The following GPR39 variants were observed in gnomAD, a reference collection of about 807,000 sequenced individuals.
GPR39 encodes the protein zinc sensing receptor.
In GPR39, 23 loss-of-function variants were observed where a neutral mutation model predicts 18.4. The ratio of observed to expected loss-of-function variants is 1.25; its 90% CI spans 0.90 to 1.77. The LOEUF is 1.77. Ranked by LOEUF, GPR39 falls within the 40% of genes most tolerant of loss-of-function variation. The pLI is 0.00. For synonymous variants in GPR39, 280 were observed against 257.9 expected, an observed-to-expected ratio of 1.09 and a Z score of -0.82; for missense variants, 647 against 602.4, an observed-to-expected ratio of 1.07 and a Z score of -0.78.
intron 1 of GPR39, chr2:132,488,456 C>T (rs1182767522): frequency 6.5e-6 from 1 of 153,380 alleles, no homozygotes; most frequent in Non-Finnish European, 1.5e-5. Flanking sequence ...GTCTTCAGCT[C>T]CAATATCTTG....
At position 132,469,355 on chromosome 2, in the gene GPR39, T is replaced by C. The variant is rs771590449; in HGVS notation, c.856+51457T>C. Among the ~76,000 whole-genome samples the C allele has an allele frequency of 2.4e-4, 36 of 152,224 alleles. 1 individual carries two copies. Among genetic ancestry groups the C allele is most frequent in the South Asian group, 1.0e-3 (5 of 4,832 alleles). ...TTCCTGCACCATGGGGTCTGCATGATTTCTGTTCATTTAATGAAAGGTTAT... is the reference window on the plus strand; with the variant it reads ...TTCCTGCACCATGGGGTCTGCATGACTTCTGTTCATTTAATGAAAGGTTAT... On this transcript the variant is annotated intron_variant, in intron 1 of 1. Coordinates refer to ENST00000329321, the MANE Select transcript of GPR39 (RefSeq NM_001508.3).
chr2:132,627,708 A>G (rs1037500734), intron 1 of GPR39, among the ~76,000 whole-genome samples: 1 of 152,166 alleles, frequency 6.6e-6, no homozygotes, highest in African/African-American at 2.4e-5. Context: ...CTGGGTTTTC[A>G]GTGCCCAGAG....
intron 1 of GPR39, among the ~76,000 whole-genome samples, chr2:132,512,630 A>G (rs183571113): frequency 1.3e-5 from 2 of 152,316 alleles, no homozygotes; most frequent in East Asian, 3.9e-4. Context: ...TCTCATCTGT[A>G]CTAGGGACTT....
intron 1 of GPR39, among the ~76,000 whole-genome samples, chr2:132,570,023 C>G (rs536216627): frequency 1.3e-5 from 2 of 152,142 alleles, no homozygotes; most frequent in African/African-American, 4.8e-5. Flanking sequence ...AAGCGGACTA[C>G]GAAACCGACC....
At chr2:132,574,030 T>A (rs1369690291) in intron 1 of GPR39, among the ~76,000 whole-genome samples, 1 of 152,244 alleles carries the variant, frequency 6.6e-6, no homozygotes, top group Admixed American at 6.5e-5. Context: ...CATGCTGATA[T>A]TTTTATCATA....
At chr2:132,551,946 G>A (rs1680052306) in intron 1 of GPR39, among the ~76,000 whole-genome samples, 1 of 152,160 alleles carries the variant, frequency 6.6e-6, no homozygotes, top group South Asian at 2.1e-4. Flanking sequence ...TTGGGGCACA[G>A]GACTTGGGGA....
At chr2:132,493,565 G>T (rs191929032) in intron 1 of GPR39, among the ~76,000 whole-genome samples, 5 of 148,188 alleles carry the variant, frequency 3.4e-5, no homozygotes, top group Non-Finnish European at 5.9e-5. Context: ...GCAGCAACAG[G>T]ATTGGATATG....
chr2:132,422,275 T>C (rs1192734223), intron 1 of GPR39, among the ~76,000 whole-genome samples: 1 of 152,242 alleles, frequency 6.6e-6, no homozygotes, highest in Non-Finnish European at 1.5e-5. Context: ...CGAGCAAATC[T>C]TTGCTTGTCA....
At chr2:132,540,742 A>G (rs1679847091) in intron 1 of GPR39, among the ~76,000 whole-genome samples, 1 of 149,956 alleles carries the variant, frequency 6.7e-6, no homozygotes, top group Admixed American at 6.6e-5. Flanking sequence ...TACTGCAGTG[A>G]AATGTCAGCT....
chr2:132,458,943 C>T (rs1680785226), intron 1 of GPR39, among the ~76,000 whole-genome samples: 1 of 152,160 alleles, frequency 6.6e-6, no homozygotes, highest in Admixed American at 6.5e-5. Flanking sequence ...TTATTCAACC[C>T]ATTTTCACCT....
intron 1 of GPR39, among the ~76,000 whole-genome samples, chr2:132,447,636 C>G (rs542524761): frequency 6.6e-6 from 1 of 152,104 alleles, no homozygotes; most frequent in African/African-American, 2.4e-5. Flanking sequence ...TCTTTTGGAG[C>G]CTTAACTAAG....
At chr2:132,614,288 C>T (rs1411642895) in intron 1 of GPR39, among the ~76,000 whole-genome samples, 2 of 152,010 alleles carry the variant, frequency 1.3e-5, no homozygotes, top group African/African-American at 2.4e-5. Flanking sequence ...CTCACTGCAA[C>T]CTCCATCTCC....
At chr2:132,602,640 A>T (rs547890547) in intron 1 of GPR39, among the ~76,000 whole-genome samples, 1 of 152,174 alleles carries the variant, frequency 6.6e-6, no homozygotes, top group South Asian at 2.1e-4. Context: ...CTATACATCC[A>T]GCAAGAGACT....
intron 1 of GPR39, among the ~76,000 whole-genome samples, chr2:132,626,697 T>C (rs1431941954): frequency 1.3e-5 from 2 of 152,132 alleles, no homozygotes; most frequent in Admixed American, 1.3e-4. Context: ...CTGTTTATGG[T>C]TGGAGGCCTC....
intron 1 of GPR39, among the ~76,000 whole-genome samples, chr2:132,502,013 G>A (rs1449887098): frequency 6.6e-6 from 1 of 152,108 alleles, no homozygotes; most frequent in Non-Finnish European, 1.5e-5. Context: ...AACTTGCTTG[G>A]TGAATTCTTA....
chr2:132,631,968 A>T (rs1681658151), intron 1 of GPR39, among the ~76,000 whole-genome samples: 1 of 152,024 alleles, frequency 6.6e-6, no homozygotes, highest in South Asian at 2.1e-4. Context: ...GATTACAGGC[A>T]TGCACCACCA....
chr2:132,632,445 G>A (rs1352812352), intron 1 of GPR39, among the ~76,000 whole-genome samples: 2 of 152,154 alleles, frequency 1.3e-5, no homozygotes, highest in Non-Finnish European at 2.9e-5. Flanking sequence ...TCCTGAACTT[G>A]TGGCCATTTC....
At chr2:132,569,480 T>G (rs1680405936) in intron 1 of GPR39, among the ~76,000 whole-genome samples, 1 of 152,000 alleles carries the variant, frequency 6.6e-6, no homozygotes, top group Non-Finnish European at 1.5e-5. Context: ...CACACCTCCC[T>G]TAAGGCTGAG....
At chr2:132,541,703 G>A (rs918916512) in intron 1 of GPR39, among the ~76,000 whole-genome samples, 4 of 152,124 alleles carry the variant, frequency 2.6e-5, no homozygotes, top group African/African-American at 7.2e-5. Context: ...TGATTGCCAC[G>A]GCCCCCTGTG....
Sources: gnomAD v4.1 joint callset for allele counts (sites outside exome capture counted in the v4.1 genomes callset) on GRCh38, gnomAD v4.1.1 for gene constraint, MANE v1.5 for transcripts, NCBI Gene and HGNC (gene_info 2026-07-23, HGNC 2026-07-21) for gene names.